The following GALNTL6 variants were observed in gnomAD, a reference collection of about 807,000 sequenced individuals.
GALNTL6 encodes the protein polypeptide N-acetylgalactosaminyltransferase like 6, also known as polypeptide N-acetylgalactosaminyltransferase-like 6.
In GALNTL6, 46 loss-of-function variants were observed where a neutral mutation model predicts 73.7. The ratio of observed to expected loss-of-function variants is 0.62; its 90% CI spans 0.49 to 0.80. The LOEUF is 0.80. GALNTL6 is among the 30% of genes least tolerant of loss of function. The pLI is 0.00. For missense variants in GALNTL6, 604 were observed against 755.0 expected (o/e 0.80, Z 2.34); for synonymous variants, 259 against 263.7 (o/e 0.98, Z 0.17).
intron 7 of GALNTL6, among the ~76,000 whole-genome samples, chr4:172,845,332 T>C (rs1579558433): frequency 6.6e-6 from 1 of 152,264 alleles, no homozygotes; most frequent in South Asian, 2.1e-4. Flanking sequence ...TCAGAGACAT[T>C]AATCCAATAG....
intron 5 of GALNTL6, among the ~76,000 whole-genome samples, chr4:172,777,362 T>C: frequency 6.6e-6 from 1 of 152,200 alleles, no homozygotes; most frequent in East Asian, 1.9e-4. Flanking sequence ...AATCAAATTA[T>C]TTATACATTC....
At chr4:172,186,810 T>A (rs1304489580) in intron 2 of GALNTL6, among the ~76,000 whole-genome samples, 1 of 152,104 alleles carries the variant, frequency 6.6e-6, no homozygotes. Context: ...TTAATGTGTA[T>A]ACGTTTCCTT....
At chr4:172,616,544 T>A (rs1738740518) in intron 5 of GALNTL6, among the ~76,000 whole-genome samples, 1 of 151,802 alleles carries the variant, frequency 6.6e-6, no homozygotes, top group Non-Finnish European at 1.5e-5. Flanking sequence ...TTTTTTTTTT[T>A]TTTTTGCAAA....
intron 5 of GALNTL6, among the ~76,000 whole-genome samples, chr4:172,602,308 TA>T (rs1319816343): frequency 6.6e-6 from 1 of 152,022 alleles, no homozygotes; most frequent in East Asian, 1.9e-4. Flanking sequence ...TGGATAAACA[TA>T]ACAGATGACT....
At position 172,303,592 on chromosome 4, in the gene GALNTL6, T is replaced by A. The variant is rs143071740; in HGVS notation, c.248-8022T>A. On this transcript the variant is annotated intron_variant, in intron 3 of 12. Transcript: ENST00000506823. Reference sequence around the variant, plus strand: ...TGTATATTTAAGGCTCACAATATAATGTTATGGGATACACATAGATTGTAA... The same window carrying A: ...TGTATATTTAAGGCTCACAATATAAAGTTATGGGATACACATAGATTGTAA... Among the ~76,000 whole-genome samples the A allele has an allele frequency of 3.0e-4, 45 of 152,300 alleles. 2 individuals carry two copies. In the East Asian group the frequency reaches 8.7e-3, roughly 29 times the overall value.
At chr4:172,490,006 A>T (rs941428569) in intron 5 of GALNTL6, among the ~76,000 whole-genome samples, 13 of 152,206 alleles carry the variant, frequency 8.5e-5, no homozygotes, top group Admixed American at 3.9e-4. Flanking sequence ...GTAGAGACAG[A>T]TGGAACTGTG....
intron 5 of GALNTL6, among the ~76,000 whole-genome samples, chr4:172,430,987 A>G (rs1731428786): frequency 6.6e-6 from 1 of 152,236 alleles, no homozygotes; most frequent in African/African-American, 2.4e-5. Flanking sequence ...GGAGAAGCAT[A>G]CAGGCATCAT....
At chr4:172,361,968 A>G (rs1375706020) in intron 5 of GALNTL6, among the ~76,000 whole-genome samples, 2 of 152,208 alleles carry the variant, frequency 1.3e-5, no homozygotes, top group African/African-American at 4.8e-5. Flanking sequence ...TAAGCACTCA[A>G]TAAATTTTGA....
chr4:172,350,408 A>G (rs918652058), intron 5 of GALNTL6, among the ~76,000 whole-genome samples: 2 of 152,204 alleles, frequency 1.3e-5, no homozygotes, highest in African/African-American at 4.8e-5. Context: ...CACCTTTGGT[A>G]CAGTAGCAAC....
intron 2 of GALNTL6, among the ~76,000 whole-genome samples, chr4:171,828,526 G>A (rs561592846): frequency 6.6e-6 from 1 of 152,282 alleles, no homozygotes; most frequent in Non-Finnish European, 1.5e-5. Context: ...TGCCACTTCA[G>A]ACAATTCATC....
intron 5 of GALNTL6, among the ~76,000 whole-genome samples, chr4:172,551,726 T>G (rs1280619335): frequency 6.6e-6 from 1 of 152,146 alleles, no homozygotes; most frequent in African/African-American, 2.4e-5. Context: ...CAACATAAAC[T>G]AGCTTCTGCT....
chr4:172,026,712 G>C (rs941591205), intron 2 of GALNTL6, among the ~76,000 whole-genome samples: 1 of 151,968 alleles, frequency 6.6e-6, no homozygotes, highest in African/African-American at 2.4e-5. Context: ...CTATTGGGGC[G>C]AGTGGATTGA....
Position 172,348,661 on chromosome 4 carries a change from C to A in GALNTL6, c.525C>A (p.Ile175=), listed in dbSNP as rs1010421130. The A allele has an allele frequency of 2.5e-6, 4 of 1,611,134 alleles. No homozygotes were observed. The African/African-American group carries it at 5.3e-5, about 21-fold the overall frequency. Residue 175 remains isoleucine (I), a synonymous_variant, in exon 5 of 13, where the codon ATC becomes ATA. Coordinates refer to ENST00000506823, the MANE Select transcript of GALNTL6 (RefSeq NM_001034845.3). ...NRTPGSLIAE[I]ILVDDFSERE... ...CCCCAGGGAGTCTGATAGCAGAAAT[C>A]ATTCTAGTAGATGACTTCAGTGAGA...
chr4:172,289,812 C>T (rs1739400542), intron 3 of GALNTL6, among the ~76,000 whole-genome samples: 1 of 152,180 alleles, frequency 6.6e-6, no homozygotes, highest in East Asian at 1.9e-4. Flanking sequence ...TATGGTTCAG[C>T]AACCCTCCTA....
At chr4:172,312,365 T>C (rs984494074) in intron 4 of GALNTL6, among the ~76,000 whole-genome samples, 8 of 151,976 alleles carry the variant, frequency 5.3e-5, no homozygotes, top group African/African-American at 1.7e-4. Context: ...ATCTTTTCTC[T>C]ATCCACCCCC....
At chr4:172,792,094 A>G (rs1268419951) in intron 5 of GALNTL6, among the ~76,000 whole-genome samples, 1 of 152,228 alleles carries the variant, frequency 6.6e-6, no homozygotes, top group African/African-American at 2.4e-5. Context: ...TATCAGAACC[A>G]TTTGAGACAT....
At chr4:172,449,262 T>G (rs1342348757) in intron 5 of GALNTL6, among the ~76,000 whole-genome samples, 1 of 152,202 alleles carries the variant, frequency 6.6e-6, no homozygotes, top group Non-Finnish European at 1.5e-5. Flanking sequence ...ATTCCGTCCA[T>G]GTACTAAACA....
At chr4:172,796,110 T>C (rs1031471877) in intron 5 of GALNTL6, among the ~76,000 whole-genome samples, 1 of 151,664 alleles carries the variant, frequency 6.6e-6, no homozygotes, top group Non-Finnish European at 1.5e-5. Context: ...TCCCCTTCTT[T>C]CCAGTTTCCT....
chr4:171,818,062 A>G (rs570582359), intron 2 of GALNTL6, among the ~76,000 whole-genome samples: 10 of 151,754 alleles, frequency 6.6e-5, no homozygotes, highest in Non-Finnish European at 1.2e-4. Flanking sequence ...CTGATAATAT[A>G]TTTAGCTGAG....
Sources: allele counts gnomAD v4.1 joint callset (sites outside exome capture counted in the v4.1 genomes callset), GRCh38; gene constraint gnomAD v4.1.1; transcripts MANE v1.5; gene names NCBI Gene and HGNC (gene_info 2026-07-23, HGNC 2026-07-21).